PUDP: variants seen among roughly 807,000 people sequenced by gnomAD.
The protein encoded by PUDP is pseudouridine 5'-phosphatase.
PUDP carries 8 observed loss-of-function variants against 9.4 expected under a neutral mutation model. That is an observed-to-expected ratio of 0.85 (90% CI 0.50 to 1.53). PUDP has a LOEUF of 1.53. Ranked by LOEUF, PUDP falls within the 40% of genes most tolerant of loss-of-function variation. The pLI, the probability that PUDP is intolerant of heterozygous loss-of-function variation, is 0.00. For synonymous variants in PUDP, 99 were observed against 80.7 expected (o/e 1.23, Z -1.22); for missense variants, 188 against 189.7 (o/e 0.99, Z 0.05).
chrX:6,767,112 C>T lies in PUDP; in HGVS notation c.*248-60646G>A, dbSNP rs748338949. 1.1e-4 allele frequency among the ~76,000 whole-genome samples: 12 copies of T among 112,801 alleles called. No individual in the cohort carries two copies. In the East Asian group the frequency reaches 3.1e-3, roughly 29 times the overall value. ...TTTCCATATTTTAAAAGGTGACATTCGTAACTAGAAAAATTGTACCCTAAT... is the reference window on the plus strand; with the variant it reads ...TTTCCATATTTTAAAAGGTGACATTTGTAACTAGAAAAATTGTACCCTAAT... On this transcript the variant is annotated intron_variant and NMD_transcript_variant, in intron 3 of 3. Transcript: ENST00000655425.
intron 2 of PUDP, among the ~76,000 whole-genome samples, chrX:7,094,777 T>G (rs772958985): frequency 8.9e-6 from 1 of 112,203 alleles, no homozygotes; most frequent in South Asian, 3.7e-4. Context: ...ATGGGGCTAA[T>G]TCGATTTGTT....
chrX:6,923,954 C>T (rs1244598423), intron 3 of PUDP, among the ~76,000 whole-genome samples: 1 of 111,022 alleles, frequency 9.0e-6, no homozygotes, highest in Non-Finnish European at 1.9e-5. Flanking sequence ...GCCCCAAACT[C>T]ATACCATGTC....
At chrX:6,973,636 A>G (rs758133754) in intron 3 of PUDP, among the ~76,000 whole-genome samples, 4 of 111,754 alleles carry the variant, frequency 3.6e-5, no homozygotes, top group South Asian at 3.7e-4. Context: ...TATGTGGTCA[A>G]TTTTAGAATA....
chrX:7,110,068 G>A (rs755953091), intron 1 of PUDP, among the ~76,000 whole-genome samples: 24 of 112,438 alleles, frequency 2.1e-4, no homozygotes, highest in African/African-American at 7.1e-4. Context: ...GCCTGGCAGG[G>A]AGGTGGAAGC....
At chrX:6,711,436 G>C (rs1200976780) in intron 1 of PUDP, among the ~76,000 whole-genome samples, 5 of 111,135 alleles carry the variant, frequency 4.5e-5, no homozygotes, top group Non-Finnish European at 7.5e-5. Flanking sequence ...AGTCAAACCA[G>C]GTAGATCAGA....
chrX:6,846,364 C>A (rs67222077), intron 3 of PUDP, among the ~76,000 whole-genome samples: 7 of 101,198 alleles, frequency 6.9e-5, no homozygotes, highest in East Asian at 3.1e-4. Flanking sequence ...GAGCGGAGAT[C>A]GTGCCACGGC....
chrX:7,127,946 G>T (rs1336634102), intron 1 of PUDP, among the ~76,000 whole-genome samples: 1 of 112,372 alleles, frequency 8.9e-6, no homozygotes, highest in African/African-American at 3.2e-5. Context: ...TTTTGTAAGT[G>T]TGAGTTAACA....
intron 3 of PUDP, among the ~76,000 whole-genome samples, chrX:6,904,198 C>T (rs1229070069): frequency 2.7e-5 from 3 of 110,318 alleles, no homozygotes; most frequent in African/African-American, 9.9e-5. Context: ...GTGATCCATC[C>T]GCCTCAGCCT....
chrX:6,949,083 A>G (rs1325207850), intron 3 of PUDP, among the ~76,000 whole-genome samples: 1 of 111,924 alleles, frequency 8.9e-6, no homozygotes, highest in Admixed American at 9.5e-5. Context: ...AGAAACATAA[A>G]TCATATTACT....
intron 3 of PUDP, among the ~76,000 whole-genome samples, chrX:6,884,549 G>A (rs1048957689): frequency 4.3e-4 from 48 of 111,910 alleles, no homozygotes; most frequent in African/African-American, 1.5e-3. Flanking sequence ...ATACAAGAAA[G>A]CAAATTCATC....
chrX:6,854,037 T>C (rs1422374029), intron 3 of PUDP, among the ~76,000 whole-genome samples: 1 of 111,974 alleles, frequency 8.9e-6, no homozygotes, highest in Non-Finnish European at 1.9e-5. Context: ...GTGCTGGGAT[T>C]ATAGGTATGA....
exon 3 of PUDP, among the ~76,000 whole-genome samples, chrX:6,977,145 T>C (rs1928967783): frequency 1.8e-5 from 2 of 112,046 alleles, no homozygotes; most frequent in African/African-American, 6.5e-5. Context: ...CTCTCTCAAG[T>C]GTCTCTTCTG....
intron 3 of PUDP, among the ~76,000 whole-genome samples, chrX:6,925,399 G>C (rs60977461): frequency 9.0e-6 from 1 of 110,946 alleles, no homozygotes; most frequent in Non-Finnish European, 1.9e-5. Context: ...CTCATGATTA[G>C]GCAGATGCTG....
At chrX:6,929,426 G>A (rs1180928153) in intron 3 of PUDP, among the ~76,000 whole-genome samples, 2 of 112,430 alleles carry the variant, frequency 1.8e-5, no homozygotes, top group African/African-American at 6.5e-5. Context: ...GGTCACAGGT[G>A]GTTTTAAAGA....
intron 1 of PUDP, among the ~76,000 whole-genome samples, chrX:7,022,676 T>C (rs1416184858): frequency 8.9e-6 from 1 of 111,963 alleles, no homozygotes; most frequent in Non-Finnish European, 1.9e-5. Flanking sequence ...GCCCTGGGCT[T>C]CTATTGCTTT....
intron 3 of PUDP, among the ~76,000 whole-genome samples, chrX:7,059,243 GT>G (rs1930331817): frequency 9.0e-6 from 1 of 111,370 alleles, no homozygotes; most frequent in Non-Finnish European, 1.9e-5. Flanking sequence ...ATATTAAAGT[GT>G]ATGTATGTAA....
intron 1 of PUDP, among the ~76,000 whole-genome samples, chrX:7,010,289 T>A (rs1438229543): frequency 9.0e-6 from 1 of 111,240 alleles, no homozygotes; most frequent in Non-Finnish European, 1.9e-5. Context: ...AGCCCAACAC[T>A]CTCTGCATCT....
intron 1 of PUDP, among the ~76,000 whole-genome samples, chrX:7,143,042 C>G (rs919619834): frequency 9.0e-5 from 10 of 111,503 alleles, no homozygotes; most frequent in African/African-American, 3.3e-4. Context: ...CCACCCCAAC[C>G]TTCAGCAACC....
intron 3 of PUDP, among the ~76,000 whole-genome samples, chrX:6,926,459 C>T (rs1225579268): frequency 1.8e-5 from 2 of 112,097 alleles, no homozygotes; most frequent in East Asian, 5.6e-4. Flanking sequence ...GTCTGAAAAG[C>T]GTGCTCTTTT....
Sources: gnomAD v4.1 joint callset for allele counts (sites outside exome capture counted in the v4.1 genomes callset) on GRCh38, gnomAD v4.1.1 for gene constraint, MANE v1.5 for transcripts, NCBI Gene and HGNC (gene_info 2026-07-23, HGNC 2026-07-21) for gene names.